Variants in PAK3 observed in about 807,000 individuals in gnomAD.
The protein encoded by PAK3 is p21 (RAC1) activated kinase 3, also known as serine/threonine-protein kinase PAK 3.
In PAK3, 4 loss-of-function variants were observed where a neutral mutation model predicts 41.0. That is an observed-to-expected ratio of 0.10 (90% confidence interval 0.05 to 0.22). The LOEUF (loss-of-function observed/expected upper bound fraction) is 0.22. PAK3 is among the 10% of genes least tolerant of loss of function. The probability of loss-of-function intolerance (pLI) is 1.00; values close to 1 mark genes in which losing one functional copy is unlikely to be tolerated. For missense variants in PAK3, 205 were observed against 409.9 expected, an observed-to-expected ratio of 0.50 and a Z score of 4.32; for synonymous variants, 146 against 139.6, an observed-to-expected ratio of 1.05 and a Z score of -0.32.
chrX:110,945,161 G>A (rs1279213438), intron 1 of PAK3, among the ~76,000 whole-genome samples: 1 of 112,336 alleles, frequency 8.9e-6, no homozygotes, highest in African/African-American at 3.2e-5. Context: ...GAATGCAGTG[G>A]TGTGTGTCGT....
intron 4 of PAK3, among the ~76,000 whole-genome samples, chrX:111,105,080 A>G (rs1420386953): frequency 8.9e-6 from 1 of 111,997 alleles, no homozygotes; most frequent in Non-Finnish European, 1.9e-5. Context: ...GTCATTCAAA[A>G]TGATGATCAC....
intron 11 of PAK3, among the ~76,000 whole-genome samples, chrX:111,188,581 T>C (rs992106919): frequency 8.9e-6 from 1 of 111,894 alleles, no homozygotes; most frequent in Non-Finnish European, 1.9e-5. Context: ...CTTTTGGAAA[T>C]AGGGGCAGAT....
intron 1 of PAK3, among the ~76,000 whole-genome samples, chrX:111,004,941 A>C (rs1431855611): frequency 8.9e-6 from 1 of 112,333 alleles, no homozygotes; most frequent in Non-Finnish European, 1.9e-5. Context: ...AAAGATACTA[A>C]CAGCTCACAA....
At chrX:110,957,860 T>C (rs768103845) in intron 1 of PAK3, among the ~76,000 whole-genome samples, 1 of 112,137 alleles carries the variant, frequency 8.9e-6, no homozygotes, top group South Asian at 3.8e-4. Flanking sequence ...ACATTCGGAA[T>C]ATTATTATAA....
chrX:111,058,362 T>A (rs1241480391), intron 1 of PAK3, among the ~76,000 whole-genome samples: 2 of 111,922 alleles, frequency 1.8e-5, no homozygotes, highest in Non-Finnish European at 3.8e-5. Context: ...TTTTTTTGTG[T>A]GTGTTAGAGC....
chrX:111,124,556 C>T, intron 5 of PAK3, among the ~76,000 whole-genome samples: 1 of 112,105 alleles, frequency 8.9e-6, no homozygotes, highest in South Asian at 3.8e-4. Flanking sequence ...GGATTACATG[C>T]CTGCACAAAT....
At chrX:111,213,067 A>G (rs1193674790) in intron 16 of PAK3, among the ~76,000 whole-genome samples, 2 of 112,369 alleles carry the variant, frequency 1.8e-5, no homozygotes, top group South Asian at 3.7e-4. Context: ...CATAGTGTTG[A>G]GCAAAAGGCA....
chrX:110,980,151 A>G (rs955374006), intron 1 of PAK3, among the ~76,000 whole-genome samples: 4 of 112,011 alleles, frequency 3.6e-5, no homozygotes, highest in Non-Finnish European at 5.6e-5. Flanking sequence ...TCTTCCATTT[A>G]TCAGTCAGAG....
intron 8 of PAK3, among the ~76,000 whole-genome samples, chrX:111,162,605 A>T (rs1015020255): frequency 8.9e-6 from 1 of 112,157 alleles, no homozygotes; most frequent in Non-Finnish European, 1.9e-5. Flanking sequence ...AATGTATTTC[A>T]AAAACATTGA....
chrX:110,951,979 A>G (rs2090753903), intron 1 of PAK3, among the ~76,000 whole-genome samples: 1 of 112,389 alleles, frequency 8.9e-6, no homozygotes, highest in Admixed American at 9.4e-5. Flanking sequence ...CTGAGTGGTG[A>G]GTAGGAATCA....
Position 111,192,107 on chromosome X carries a change from G to A in PAK3, c.831-20G>A. Reference sequence around the variant, plus strand: ...TAACAGCTTGATTGCTTATTCTTTTGATAATTTTCACCTTCACAGGGCATC... The same window carrying A: ...TAACAGCTTGATTGCTTATTCTTTTAATAATTTTCACCTTCACAGGGCATC... On this transcript the variant is annotated intron_variant, in intron 11 of 17. Coordinates refer to ENST00000372007, the MANE Select transcript of PAK3 (RefSeq NM_002578.5). 2 of 1,004,115 alleles carry A rather than the reference G, an allele frequency of 2.0e-6. No homozygotes were observed. Among genetic ancestry groups the A allele is most frequent in the Non-Finnish European group, 2.8e-6 (2 of 708,382 alleles). The allele number at this position is 1,004,115 out of a possible 1,213,427, so 82.8% of individuals were successfully genotyped here. A position where few individuals can be genotyped will look rare whatever the true frequency, so the allele number is the denominator to read the frequency against.
chrX:111,019,683 C>A (rs2092145165), intron 1 of PAK3, among the ~76,000 whole-genome samples: 1 of 61,996 alleles, frequency 1.6e-5, no homozygotes, highest in Non-Finnish European at 2.9e-5. Context: ...GAGTGAGACC[C>A]TGCCTCCAAA....
At chrX:111,009,242 T>A (rs2091977340) in intron 1 of PAK3, among the ~76,000 whole-genome samples, 1 of 111,301 alleles carries the variant, frequency 9.0e-6, no homozygotes, top group African/African-American at 3.3e-5. Context: ...ACTTTGTTTC[T>A]CCTTCCTCAT....
intron 1 of PAK3, among the ~76,000 whole-genome samples, chrX:111,008,799 T>C (rs1162515186): frequency 1.8e-5 from 2 of 111,995 alleles, no homozygotes; most frequent in Non-Finnish European, 3.8e-5. Flanking sequence ...ATTGCTGTTA[T>C]TATTTGAGAA....
intron 1 of PAK3, among the ~76,000 whole-genome samples, chrX:111,070,392 C>T (rs924296794): frequency 1.6e-4 from 18 of 111,852 alleles, no homozygotes; most frequent in African/African-American, 4.6e-4. Context: ...GGTCATTTGT[C>T]TAGGCCACAG....
intron 16 of PAK3, 95 bp downstream of exon 16, chrX:111,196,735 C>A: frequency 1.7e-6 from 1 of 588,778 alleles, no homozygotes; most frequent in South Asian, 2.6e-5. Context: ...AGAATGGGCT[C>A]TTTTCTGAGA....
chrX:111,051,821 C>T (rs967433819), intron 1 of PAK3, among the ~76,000 whole-genome samples: 6 of 112,136 alleles, frequency 5.4e-5, no homozygotes, highest in Non-Finnish European at 1.1e-4. Flanking sequence ...CTCAGCCTGT[C>T]ACTAGAGTCT....
intron 4 of PAK3, among the ~76,000 whole-genome samples, chrX:111,111,020 G>T (rs750641669): frequency 9.0e-6 from 1 of 111,430 alleles, no homozygotes; most frequent in Non-Finnish European, 1.9e-5. Flanking sequence ...TCTAAATGTT[G>T]GTGTTCCACA....
chrX:111,167,878 A>C (rs2094282539), intron 10 of PAK3, among the ~76,000 whole-genome samples: 2 of 111,293 alleles, frequency 1.8e-5, no homozygotes, highest in South Asian at 7.6e-4. Flanking sequence ...TATAATAAAA[A>C]AGGAAACCAC....
Sources: allele counts gnomAD v4.1 joint callset (sites outside exome capture counted in the v4.1 genomes callset), GRCh38; gene constraint gnomAD v4.1.1; transcripts MANE v1.5; gene names NCBI Gene and HGNC (gene_info 2026-07-23, HGNC 2026-07-21).